TBC1D30: variants seen among roughly 807,000 people sequenced by gnomAD.
The protein encoded by TBC1D30 is TBC1 domain family, member 30.
A neutral mutation model predicts 63.2 loss-of-function variants in TBC1D30; 31 were observed. That is an observed-to-expected ratio of 0.49 (90% CI 0.37 to 0.66). The LOEUF (loss-of-function observed/expected upper bound fraction) is 0.66. Among genes scored for constraint, TBC1D30 ranks in the 30% least tolerant of loss-of-function variants. TBC1D30 has a pLI of 0.00. For missense variants in TBC1D30, 810 were observed against 953.6 expected, an observed-to-expected ratio of 0.85 and a Z score of 1.98; for synonymous variants, 307 against 361.5, an observed-to-expected ratio of 0.85 and a Z score of 1.71.
intron 8 of TBC1D30, among the ~76,000 whole-genome samples, chr12:64,854,833 A>G (rs1486304096): frequency 6.6e-6 from 1 of 152,182 alleles, no homozygotes; most frequent in Non-Finnish European, 1.5e-5. Context: ...AGGAGTTAAT[A>G]TACCACAATT....
chr12:64,780,527 C>A (rs1221373400), exon 1 of TBC1D30, among the ~76,000 whole-genome samples: 1 of 152,234 alleles, frequency 6.6e-6, no homozygotes, highest in Non-Finnish European at 1.5e-5. Context: ...TGCGCCTTCT[C>A]GCGCACGGGA....
At chr12:64,803,873 C>A (rs1430049695) in intron 2 of TBC1D30, among the ~76,000 whole-genome samples, 1 of 152,146 alleles carries the variant, frequency 6.6e-6, no homozygotes, top group Non-Finnish European at 1.5e-5. Context: ...TGTTTTGGTA[C>A]CAGTATCATG....
chr12:64,867,556 G>C (rs1878328262), intron 10 of TBC1D30, among the ~76,000 whole-genome samples: 1 of 151,932 alleles, frequency 6.6e-6, no homozygotes, highest in South Asian at 2.1e-4. Flanking sequence ...TGCATGCGTA[G>C]TACACATTTC....
At position 64,827,960 on chromosome 12, in the gene TBC1D30, C is replaced by T. The variant is rs181286317; in HGVS notation, c.216+64C>T. On this transcript the variant is annotated intron_variant, in intron 2 of 11. Coordinates refer to ENST00000539867, the MANE Select transcript of TBC1D30 (RefSeq NM_015279.2). The stretch of plus-strand genomic sequence containing the variant: ...CCAACAGGGCACATTGAGATATATT[C>T]TCAAAGTGGAAATAACGTATTCTTT... 116 of 1,091,274 alleles carry T rather than the reference C, an allele frequency of 1.1e-4. No homozygotes were observed. In the Admixed American group the frequency reaches 2.7e-3, roughly 25 times the overall value. 67.6% of individuals were successfully genotyped at this position (1,091,274 alleles called of 1,614,324 possible).
chr12:64,765,163 A>G (rs1180184114), intron 1 of TBC1D30, among the ~76,000 whole-genome samples: 2 of 152,170 alleles, frequency 1.3e-5, no homozygotes, highest in Non-Finnish European at 2.9e-5. Context: ...ATATTCAACA[A>G]TATGAAATTC....
At chr12:64,873,774 T>C (rs572404614) in intron 11 of TBC1D30, among the ~76,000 whole-genome samples, 18 of 152,166 alleles carry the variant, frequency 1.2e-4, no homozygotes, top group Non-Finnish European at 2.2e-4. Context: ...ACAGTGACAG[T>C]CAAATAATTG....
intron 3 of TBC1D30, among the ~76,000 whole-genome samples, chr12:64,828,875 G>A (rs533668850): frequency 6.6e-6 from 1 of 152,282 alleles, no homozygotes; most frequent in South Asian, 2.1e-4. Flanking sequence ...GGTGACATTC[G>A]AGTAGGCCCC....
intron 8 of TBC1D30, among the ~76,000 whole-genome samples, chr12:64,853,140 A>G (rs1019701645): frequency 2.6e-5 from 4 of 152,334 alleles, no homozygotes; most frequent in East Asian, 1.9e-4. Context: ...AGTTTTATCT[A>G]TAAGCCCCTG....
At chr12:64,820,651 G>C (rs1169110277), upstream of TBC1D30, among the ~76,000 whole-genome samples, 1 of 152,174 alleles carries the variant, frequency 6.6e-6, no homozygotes, top group Admixed American at 6.6e-5. Context: ...ATGGTAAATT[G>C]GCCTGGCTCC....
upstream of TBC1D30, among the ~76,000 whole-genome samples, chr12:64,821,245 C>T (rs1338837796): frequency 1.3e-5 from 2 of 152,192 alleles, no homozygotes; most frequent in Non-Finnish European, 2.9e-5. Context: ...AGTATATTCT[C>T]TGTGCTGCAG....
chr12:64,774,357 G>T (rs937809274), intron 1 of TBC1D30, among the ~76,000 whole-genome samples: 1 of 152,152 alleles, frequency 6.6e-6, no homozygotes. Context: ...AACCAATTTG[G>T]AAAACACATT....
intron 2 of TBC1D30, among the ~76,000 whole-genome samples, chr12:64,794,540 G>A (rs1872136752): frequency 6.6e-6 from 1 of 151,982 alleles, no homozygotes; most frequent in Non-Finnish European, 1.5e-5. Context: ...TGGGGCTCAG[G>A]TGATCCTCCC....
At chr12:64,807,337 A>C (rs1413921150) in intron 2 of TBC1D30, among the ~76,000 whole-genome samples, 1 of 152,238 alleles carries the variant, frequency 6.6e-6, no homozygotes. Flanking sequence ...ATCATTTATA[A>C]ATTACCCAAT....
chr12:64,767,798 G>C (rs1870771447), intron 1 of TBC1D30, among the ~76,000 whole-genome samples: 1 of 29,634 alleles, frequency 3.4e-5, no homozygotes, highest in Non-Finnish European at 7.1e-5. Context: ...CGGGGGGGGG[G>C]GGAGGGGGGG....
chr12:64,852,848 C>A (rs1349135807), intron 8 of TBC1D30, among the ~76,000 whole-genome samples: 1 of 152,160 alleles, frequency 6.6e-6, no homozygotes, highest in Non-Finnish European at 1.5e-5. Context: ...GCTGCCTGTT[C>A]CTTCCTCTGG....
At chr12:64,858,016 C>A (rs1438617449) in intron 8 of TBC1D30, among the ~76,000 whole-genome samples, 2 of 152,188 alleles carry the variant, frequency 1.3e-5, no homozygotes, top group Non-Finnish European at 1.5e-5. Flanking sequence ...TCTCTCCTTC[C>A]CTTCTCAATG....
At chr12:64,853,322 T>C (rs919337138) in intron 8 of TBC1D30, among the ~76,000 whole-genome samples, 1 of 152,182 alleles carries the variant, frequency 6.6e-6, no homozygotes, top group Non-Finnish European at 1.5e-5. Flanking sequence ...GCCTCAGTAA[T>C]GGTGGACGTC....
In TBC1D30 at chr12:64,879,149, TATAG is replaced by T. The variant is rs1879295135; in HGVS notation, c.*3365_*3368del. ...GCATAAAGAATCATCAATACTCTGA[TATAG>T]ATATAGATCTTTCCAGTACGTTTGT... On this transcript the variant is annotated 3_prime_UTR_variant, in exon 12 of 12. Coordinates refer to ENST00000539867, the MANE Select transcript of TBC1D30 (RefSeq NM_015279.2). 1 of 152,510 alleles carries T rather than the reference TATAG, an allele frequency of 6.6e-6. No individual in the cohort carries two copies. The highest frequency in any genetic ancestry group is 2.4e-5 in the African/African-American group (1 of 41,440). The allele number at this position is 152,510 out of a possible 1,614,324, so 9.4% of individuals were successfully genotyped here. A position where few individuals can be genotyped will look rare whatever the true frequency, so the allele number is the denominator to read the frequency against.
intron 9 of TBC1D30, among the ~76,000 whole-genome samples, chr12:64,866,257 C>G (rs927859000): frequency 2.0e-5 from 3 of 152,082 alleles, no homozygotes; most frequent in Non-Finnish European, 4.4e-5. Flanking sequence ...AAAATAAAAG[C>G]ATGTAGTCAT....
Sources: gnomAD v4.1 joint callset for allele counts (sites outside exome capture counted in the v4.1 genomes callset) on GRCh38, gnomAD v4.1.1 for gene constraint, MANE v1.5 for transcripts, NCBI Gene and HGNC (gene_info 2026-07-23, HGNC 2026-07-21) for gene names.